The following ZFP92 variants were observed in gnomAD, a reference collection of about 807,000 sequenced individuals.
ZFP92 encodes the protein zinc finger protein 92 homolog.
Under a neutral mutation model 7.6 loss-of-function variants are expected in ZFP92, and 2 were observed. The observed-to-expected ratio is 0.26, with a 90% CI of 0.11 to 0.83. ZFP92 has a LOEUF of 0.83. Ranked by LOEUF, ZFP92 falls within the 40% of genes least tolerant of loss-of-function variation. The pLI is 0.65. For synonymous variants in ZFP92, 226 were observed against 183.6 expected, an observed-to-expected ratio of 1.23 and a Z score of -1.87; for missense variants, 324 against 408.3, an observed-to-expected ratio of 0.79 and a Z score of 1.78.
chrX:153,418,696 G>C lies in ZFP92; in HGVS notation c.57G>C (p.Val19=), dbSNP rs1556974355. ...RPKVPVSFED[V]SVYFTKTEWK... is the part of the protein sequence containing the mutation. ...AGGTGCCAGTATCTTTTGAGGATGT[G>C]TCCGTGTACTTCACAAAGACAGAAT... The change falls in exon 4 of 6, where the codon GTG becomes GTC. Residue 19 remains valine (V), a synonymous_variant. Coordinates refer to ENST00000338647, the MANE Select transcript of ZFP92 (RefSeq NM_001136273.2). 1 of 1,167,683 alleles carries C rather than the reference G, an allele frequency of 8.6e-7. No individual in the cohort carries two copies. Among genetic ancestry groups the C allele is most frequent in the East Asian group, 3.3e-5 (1 of 30,750 alleles).
At position 153,421,516 on chromosome X, in the gene ZFP92, C is replaced by T. The variant is rs781850486; in HGVS notation, c.1139C>T (p.Thr380Met). ...HGARRPAKAETARRLAGPGST... is the reference protein window; with the variant it reads ...HGARRPAKAEMARRLAGPGST... The stretch of plus-strand genomic sequence containing the variant: ...GCCAGGCGCCCTGCGAAGGCGGAGA[C>T]GGCGCGGAGGCTAGCGGGCCCTGGG... Residue 380 changes from threonine to methionine, a missense_variant, in exon 6 of 6, where the codon ACG (threonine) becomes ATG (methionine). Coordinates refer to ENST00000338647, the MANE Select transcript of ZFP92 (RefSeq NM_001136273.2). The T allele has an allele frequency of 9.7e-6, 11 of 1,139,403 alleles. No homozygotes were observed. Among genetic ancestry groups the T allele is most frequent in the East Asian group, 3.4e-5 (1 of 29,350 alleles). The allele number at this position is 1,139,403 out of a possible 1,213,427, so 93.9% of individuals were successfully genotyped here.
At position 153,412,022 on chromosome X, in the gene ZFP92, G is replaced by A. The variant is rs1014680706; in HGVS notation, c.-19+9G>A. ...TGTCGCTGATCTGCCTGGTGAGTTT[G>A]GATTTTGCACCTCTGGGTGTGAGAG... is the stretch of plus-strand genomic sequence containing the variant. On this transcript the variant is annotated intron_variant, in intron 2 of 5. Coordinates refer to ENST00000338647, the MANE Select transcript of ZFP92 (RefSeq NM_001136273.2). 2.7e-5 allele frequency among the ~76,000 whole-genome samples: 3 copies of A among 112,926 alleles called. No homozygotes were observed. Among genetic ancestry groups the A allele is most frequent in the African/African-American group, 6.4e-5 (2 of 31,106 alleles).
intron 2 of ZFP92, among the ~76,000 whole-genome samples, chrX:153,414,762 T>C (rs2088937137): frequency 8.9e-6 from 1 of 111,911 alleles, no homozygotes; most frequent in African/African-American, 3.2e-5. Context: ...TAAGGAAACC[T>C]CTAGACCCAT....
At chrX:153,417,557 A>T (rs1666454900) in intron 2 of ZFP92, among the ~76,000 whole-genome samples, 1 of 112,287 alleles carries the variant, frequency 8.9e-6, no homozygotes, top group Non-Finnish European at 1.9e-5. Context: ...TGGAGCTTCC[A>T]GGAATGGCTG....
chrX:153,421,096 A>G lies in ZFP92; in HGVS notation c.719A>G (p.Asp240Gly), dbSNP rs782251625. Residue 240 changes from aspartate (D) to glycine (G), a missense_variant, in exon 6 of 6, where the codon GAC becomes GGC. Asp to Gly is a moderately conservative substitution (Grantham distance 94). Transcript: ENST00000338647. ...GGCGAGCGGCCCTTCGCCTGCGGCG[A>G]CTGCGGCAAACTGTTCCGCCGCAGC... ...HSGERPFACG[D>G]CGKLFRRSFA... 1.7e-6 allele frequency: 2 copies of G among 1,178,124 alleles called. No individual in the cohort carries two copies. The highest frequency in any genetic ancestry group is 2.3e-6 in the Non-Finnish European group (2 of 878,847).
intron 2 of ZFP92, among the ~76,000 whole-genome samples, chrX:153,417,608 G>A (rs959640602): frequency 1.8e-5 from 2 of 112,034 alleles, no homozygotes; most frequent in African/African-American, 3.2e-5. Context: ...TGGGGAGAGA[G>A]CTAAGAAAAG....
At chrX:153,416,513 T>C (rs1236368935) in intron 2 of ZFP92, among the ~76,000 whole-genome samples, 1 of 111,600 alleles carries the variant, frequency 9.0e-6, no homozygotes, top group African/African-American at 3.3e-5. Flanking sequence ...TCCTTCTCTA[T>C]GCTCCTGGGA....
At chrX:153,417,841 G>T (rs961614244) in intron 2 of ZFP92, among the ~76,000 whole-genome samples, 1 of 111,824 alleles carries the variant, frequency 8.9e-6, no homozygotes, top group African/African-American at 3.3e-5. Context: ...GTAAGATGAG[G>T]TCATACTGTA....
In ZFP92 at chrX:153,420,738, G is replaced by A. The variant is rs1290762874; in HGVS notation, c.361G>A (p.Ala121Thr). 7 of 1,156,934 alleles carry A rather than the reference G, an allele frequency of 6.1e-6. No homozygotes were observed. Among genetic ancestry groups the A allele is most frequent in the Non-Finnish European group, 8.1e-6 (7 of 866,254 alleles). Residue 121 changes from alanine to threonine, a missense_variant, in exon 6 of 6, where the codon GCG becomes ACG. Coordinates refer to ENST00000338647, the MANE Select transcript of ZFP92 (RefSeq NM_001136273.2). ...ADPQGGKEGQ[A>T]ARSSVLQRGA... The stretch of plus-strand genomic sequence containing the variant: ...TCCACAAGGTGGCAAGGAGGGGCAG[G>A]CGGCGAGGTCGTCTGTGCTCCAGAG...
chrX:153,413,437 G>A (rs1431290626), intron 2 of ZFP92, among the ~76,000 whole-genome samples: 1 of 107,883 alleles, frequency 9.3e-6, no homozygotes, highest in Admixed American at 1.0e-4. Context: ...GCTAAGGTCC[G>A]CAAGCAGGGG....
In ZFP92 at chrX:153,421,658, G is replaced by A. The variant is rs1414625545; in HGVS notation, c.*30G>A. ...CCGCCAGCGCACCCAGGGCGCGGCC[G>A]GTCTGCGTGGGGGGCCTTCCTGGGG... On this transcript the variant is annotated 3_prime_UTR_variant, in exon 6 of 6. Coordinates refer to ENST00000338647, the MANE Select transcript of ZFP92 (RefSeq NM_001136273.2). The A allele has an allele frequency of 7.4e-6, 7 of 941,517 alleles. No individual in the cohort carries two copies. Among genetic ancestry groups the A allele is most frequent in the South Asian group, 8.3e-5 (2 of 24,157 alleles). The allele number at this position is 941,517 out of a possible 1,213,427, so 77.6% of individuals were successfully genotyped here.
chrX:153,414,202 T>TC (rs782311507), intron 2 of ZFP92, among the ~76,000 whole-genome samples: 26 of 112,480 alleles, frequency 2.3e-4, no homozygotes, highest in Non-Finnish European at 4.7e-4. Context: ...CAGTAATACC[T>TC]CCCCACGCAC....
At chrX:153,414,279 C>T (rs939028467) in intron 2 of ZFP92, among the ~76,000 whole-genome samples, 7 of 112,279 alleles carry the variant, frequency 6.2e-5, no homozygotes, top group African/African-American at 2.3e-4. Context: ...GGCCTGCGGA[C>T]ATTAGAATGA....
In ZFP92 at chrX:153,418,778, T is replaced by C. The variant is rs1556974373; in HGVS notation, c.139T>C (p.Tyr47His). ...CTACAAGCGGGTGATGCTGGAGAACTATAGCCATTTGGTGTCACTGGGTAA... is the reference window on the plus strand; with the variant it reads ...CTACAAGCGGGTGATGCTGGAGAACCATAGCCATTTGGTGTCACTGGGTAA... Reference protein sequence around the residue: ...VLYKRVMLENYSHLVSLGFSF... With the variant: ...VLYKRVMLENHSHLVSLGFSF... Residue 47 changes from tyrosine to histidine, a missense_variant, in exon 4 of 6, where the codon TAT (tyrosine) becomes CAT (histidine). Transcript: ENST00000338647. The C allele has an allele frequency of 8.6e-7, 1 of 1,167,707 alleles. No individual in the cohort carries two copies. The highest frequency in any genetic ancestry group is 1.1e-6 in the Non-Finnish European group (1 of 872,992).
chrX:153,417,523 G>A (rs782731704), intron 2 of ZFP92, among the ~76,000 whole-genome samples: 41 of 112,106 alleles, frequency 3.7e-4, no homozygotes, highest in Admixed American at 7.6e-4. Flanking sequence ...TAAGAATCCC[G>A]ACCTGAGGGA....
At chrX:153,420,618 A>T in intron 5 of ZFP92, 25 bp from the exon 6 acceptor site, 1 of 1,103,519 alleles carries the variant, frequency 9.1e-7, no homozygotes. Flanking sequence ...TGAGGGTGAC[A>T]CTGCCTGGTG....
At position 153,418,401 on chromosome X, in the gene ZFP92, G is replaced by T. The variant is rs782168210; in HGVS notation, c.33+46G>T. Reference sequence around the variant, plus strand: ...CTGGCCTCTCCCCCTGGCAGCCCCCGTCTGCTGCCTCCTCATGCCCAGGCC... The same window carrying T: ...CTGGCCTCTCCCCCTGGCAGCCCCCTTCTGCTGCCTCCTCATGCCCAGGCC... On this transcript the variant is annotated intron_variant, in intron 3 of 5. Transcript: ENST00000338647. The T allele has an allele frequency of 9.3e-5, 107 of 1,153,421 alleles. 2 individuals carry two copies. Among genetic ancestry groups the T allele is most frequent in the Admixed American group, 2.6e-4 (10 of 38,178 alleles).
chrX:153,421,521 C>T lies in ZFP92; in HGVS notation c.1144C>T (p.Arg382Trp), dbSNP rs2089003767. ...ARRPAKAETA[R>W]RLAGPGSTGP... ...GCGCCCTGCGAAGGCGGAGACGGCG[C>T]GGAGGCTAGCGGGCCCTGGGAGCAC... The change falls in exon 6 of 6, where the codon CGG becomes TGG. Residue 382 changes from arginine (R) to tryptophan (W), a missense_variant. Physicochemically the swap from Arg to Trp is moderately radical, Grantham distance 101. Transcript: ENST00000338647. 1 of 1,132,277 alleles carries T rather than the reference C, an allele frequency of 8.8e-7. No individual in the cohort carries two copies. Among genetic ancestry groups the T allele is most frequent in the Non-Finnish European group, 1.2e-6 (1 of 862,276 alleles). 93.3% of individuals were successfully genotyped at this position (1,132,277 alleles called of 1,213,427 possible).
At chrX:153,417,168 G>A (rs782285841) in intron 2 of ZFP92, among the ~76,000 whole-genome samples, 4 of 112,455 alleles carry the variant, frequency 3.6e-5, no homozygotes, top group East Asian at 2.8e-4. Context: ...TCCTGAGGCC[G>A]AGGTGAATTT....
Sources: allele counts gnomAD v4.1 joint callset (sites outside exome capture counted in the v4.1 genomes callset), GRCh38; gene constraint gnomAD v4.1.1; transcripts MANE v1.5; gene names NCBI Gene and HGNC (gene_info 2026-07-23, HGNC 2026-07-21).